The following NBEA variants were observed in gnomAD, a reference collection of about 807,000 sequenced individuals.
NBEA encodes the protein lysosomal-trafficking regulator 2.
NBEA carries 44 observed loss-of-function variants against 343.4 expected under a neutral mutation model. That is an observed-to-expected ratio of 0.13 (90% CI 0.10 to 0.16). NBEA has a LOEUF of 0.16. Among genes scored for constraint, NBEA ranks in the 10% least tolerant of loss-of-function variants. The pLI is 1.00. For synonymous variants in NBEA, 1,175 were observed against 1,238.7 expected, an observed-to-expected ratio of 0.95 and a Z score of 1.08; for missense variants, 2,555 against 3,631.3, an observed-to-expected ratio of 0.70 and a Z score of 7.62.
At chr13:35,470,704 G>C (rs1312160549) in intron 40 of NBEA, among the ~76,000 whole-genome samples, 1 of 152,188 alleles carries the variant, frequency 6.6e-6, no homozygotes, top group Non-Finnish European at 1.5e-5. Flanking sequence ...AAGGGTTAAG[G>C]GAGCGGTTCG....
chr13:35,284,952 T>C (rs2035322143), intron 34 of NBEA, among the ~76,000 whole-genome samples: 1 of 152,140 alleles, frequency 6.6e-6, no homozygotes, highest in Non-Finnish European at 1.5e-5. Flanking sequence ...TGTCTTAGAA[T>C]CCTTCACAAT....
At chr13:35,420,869 T>C (rs2044228427) in intron 38 of NBEA, among the ~76,000 whole-genome samples, 1 of 152,016 alleles carries the variant, frequency 6.6e-6, no homozygotes, top group Non-Finnish European at 1.5e-5. Flanking sequence ...ATATTGGTAA[T>C]TTGTGTCTAC....
intron 1 of NBEA, among the ~76,000 whole-genome samples, chr13:34,979,199 C>T (rs560289572): frequency 4.6e-5 from 7 of 152,194 alleles, no homozygotes; most frequent in African/African-American, 1.2e-4. Flanking sequence ...CCAGTGATGT[C>T]GAGCCCTTTT....
At chr13:35,116,039 C>T (rs1177163552) in intron 13 of NBEA, among the ~76,000 whole-genome samples, 1 of 152,090 alleles carries the variant, frequency 6.6e-6, no homozygotes, top group African/African-American at 2.4e-5. Context: ...AGCAATGTGG[C>T]ACAGAGCTGA....
At chr13:35,223,060 A>G (rs2074459262) in intron 33 of NBEA, among the ~76,000 whole-genome samples, 1 of 152,166 alleles carries the variant, frequency 6.6e-6, no homozygotes, top group Non-Finnish European at 1.5e-5. Flanking sequence ...AGAACCCGGG[A>G]GGCAGAGGTT....
chr13:35,072,238 A>C (rs1305577422), intron 10 of NBEA, among the ~76,000 whole-genome samples: 1 of 152,132 alleles, frequency 6.6e-6, no homozygotes, highest in African/African-American at 2.4e-5. Flanking sequence ...GTATTAATTT[A>C]AATATTTCTT....
At chr13:35,397,914 A>G (rs1233873558) in intron 38 of NBEA, among the ~76,000 whole-genome samples, 1 of 152,174 alleles carries the variant, frequency 6.6e-6, no homozygotes, top group African/African-American at 2.4e-5. Flanking sequence ...TCTTAAAACA[A>G]GAAAACAATG....
chr13:35,048,049 G>A (rs1431893499), intron 4 of NBEA, among the ~76,000 whole-genome samples: 1 of 151,766 alleles, frequency 6.6e-6, no homozygotes, highest in Non-Finnish European at 1.5e-5. Context: ...AGTAATAAAT[G>A]TCATACTTTG....
At chr13:35,516,675 G>A (rs1594858398) in intron 41 of NBEA, among the ~76,000 whole-genome samples, 1 of 152,172 alleles carries the variant, frequency 6.6e-6, no homozygotes, top group East Asian at 1.9e-4. Context: ...GTTTTGATAT[G>A]TGTCTTTTAA....
intron 48 of NBEA, among the ~76,000 whole-genome samples, chr13:35,623,349 T>A (rs1233307970): frequency 6.6e-6 from 1 of 152,132 alleles, no homozygotes. Context: ...TTAGACAAGT[T>A]GTTATATTTT....
At chr13:35,382,536 T>C (rs1335035436) in intron 38 of NBEA, among the ~76,000 whole-genome samples, 1 of 152,140 alleles carries the variant, frequency 6.6e-6, no homozygotes, top group African/African-American at 2.4e-5. Flanking sequence ...AAATGCTGTC[T>C]TTTAGAAAAC....
intron 47 of NBEA, among the ~76,000 whole-genome samples, chr13:35,604,786 C>T (rs1294292017): frequency 1.3e-5 from 2 of 152,070 alleles, no homozygotes; most frequent in African/African-American, 4.8e-5. Context: ...TCTCACCATT[C>T]CATATAACTC....
chr13:35,183,983 C>A lies in NBEA; in HGVS notation c.4839C>A (p.Val1613=). 1 of 1,610,150 alleles carries A rather than the reference C, an allele frequency of 6.2e-7. No individual in the cohort carries two copies. The highest frequency in any genetic ancestry group is 2.2e-5 in the East Asian group (1 of 44,640). Residue 1613 remains valine (V), a synonymous_variant, in exon 30 of 59, where the codon GTC becomes GTA. Coordinates refer to ENST00000379939, the MANE Select transcript of NBEA (RefSeq NM_001385012.1). ...CCATGATTTTCTCCACAGTTGTGGT[C>A]ATACCATCTATCCCTCATCCAAGTT... ...EINSPTSTVV[V]IPSIPHPSLN...
At chr13:35,482,411 T>C (rs1285427414) in intron 41 of NBEA, among the ~76,000 whole-genome samples, 4 of 151,576 alleles carry the variant, frequency 2.6e-5, no homozygotes, top group Non-Finnish European at 5.9e-5. Context: ...TTCACTATTG[T>C]AATAATATAC....
At chr13:35,271,142 A>G (rs2034116451) in intron 34 of NBEA, among the ~76,000 whole-genome samples, 1 of 152,184 alleles carries the variant, frequency 6.6e-6, no homozygotes, top group Non-Finnish European at 1.5e-5. Flanking sequence ...TCTGGGACGA[A>G]GCTTCCAGAG....
chr13:35,053,327 A>G (rs762154590), intron 6 of NBEA, among the ~76,000 whole-genome samples: 12 of 152,052 alleles, frequency 7.9e-5, no homozygotes, highest in Non-Finnish European at 1.5e-4. Flanking sequence ...AGTTTTGTCA[A>G]GCATCTGTGC....
chr13:35,559,271 G>A (rs1286949765), intron 44 of NBEA, among the ~76,000 whole-genome samples: 1 of 152,158 alleles, frequency 6.6e-6, no homozygotes, highest in Non-Finnish European at 1.5e-5. Context: ...ACCCTTCAGA[G>A]TTCTCTTATG....
At chr13:35,309,397 A>C (rs2037207155) in intron 35 of NBEA, 131 bp from the exon 36 acceptor site, 1 of 612,774 alleles carries the variant, frequency 1.6e-6, no homozygotes, top group African/African-American at 2.0e-5. Context: ...TATTCATTAC[A>C]AAATCTTGTA....
intron 40 of NBEA, among the ~76,000 whole-genome samples, chr13:35,456,610 G>T (rs2046592504): frequency 6.6e-6 from 1 of 151,838 alleles, no homozygotes; most frequent in African/African-American, 2.4e-5. Flanking sequence ...TTAGCAAGTT[G>T]TTTCTTCAAA....
Sources: allele counts gnomAD v4.1 joint callset (sites outside exome capture counted in the v4.1 genomes callset), GRCh38; gene constraint gnomAD v4.1.1; transcripts MANE v1.5; gene names NCBI Gene and HGNC (gene_info 2026-07-23, HGNC 2026-07-21).